The following KAT6A variants were observed in gnomAD, a reference collection of about 807,000 sequenced individuals.
KAT6A encodes the protein histone acetyltransferase KAT6A.
Under a neutral mutation model 198.4 loss-of-function variants are expected in KAT6A, and 9 were observed. That is an observed-to-expected ratio of 0.05 (90% CI 0.03 to 0.08). KAT6A has a LOEUF of 0.08. KAT6A is among the 10% of genes least tolerant of loss of function. The pLI is 1.00. For synonymous variants in KAT6A, 890 were observed against 883.0 expected, an observed-to-expected ratio of 1.01 and a Z score of -0.14; for missense variants, 2,077 against 2,509.9, an observed-to-expected ratio of 0.83 and a Z score of 3.69.
rs772227372 is a variant in KAT6A, at chr8:41,933,549, C to T, written c.4671G>A (p.Glu1557=). The T allele has an allele frequency of 9.3e-6, 15 of 1,614,000 alleles. No individual in the cohort carries two copies. Among genetic ancestry groups the T allele is most frequent in the Non-Finnish European group, 1.1e-5 (13 of 1,180,038 alleles). Residue 1557 remains glutamate (E), a synonymous_variant, in exon 17 of 17, where the codon GAG becomes GAA. Coordinates refer to ENST00000265713, the MANE Select transcript of KAT6A (RefSeq NM_006766.5). The surrounding 1 kb of genome is among the most constrained non-coding windows in gnomAD (Gnocchi z 6.2). ...DSGFSDLGSI[E]STTENYENPS... ...GGTTCTCATAGTTTTCAGTGGTGCT[C>T]TCAATGCTGCCCAGGTCACTGAAGC...
In KAT6A at chr8:41,943,017, GT is replaced by G. The variant is rs1417052281; in HGVS notation, c.2229-18del. ...ATCACAAATCTGGAACCAGAGAAAA[GT>G]TTATAGCAATCAACAATGTACAAGG... On this transcript the variant is annotated intron_variant, in intron 13 of 16. Coordinates refer to ENST00000265713, the MANE Select transcript of KAT6A (RefSeq NM_006766.5). 2.5e-6 allele frequency: 4 copies of G among 1,613,426 alleles called. No homozygotes were observed. In the South Asian group the frequency reaches 4.4e-5, roughly 18 times the overall value.
At chr8:42,021,240 T>A (rs565595073) in intron 2 of KAT6A, among the ~76,000 whole-genome samples, 1 of 152,302 alleles carries the variant, frequency 6.6e-6, no homozygotes, top group South Asian at 2.1e-4. Context: ...TTAAAATTTA[T>A]GTGTTCATGA....
At chr8:42,003,915 C>T (rs985754029) in intron 2 of KAT6A, among the ~76,000 whole-genome samples, 2 of 152,104 alleles carry the variant, frequency 1.3e-5, no homozygotes, top group Non-Finnish European at 2.9e-5. Context: ...ATAACCTTGC[C>T]GGTGCCTTGA....
chr8:41,989,699 T>C (rs1311259385), intron 2 of KAT6A, among the ~76,000 whole-genome samples: 1 of 152,222 alleles, frequency 6.6e-6, no homozygotes, highest in Non-Finnish European at 1.5e-5. Flanking sequence ...AGAAGTCATA[T>C]ACATACAAAA....
intron 9 of KAT6A, among the ~76,000 whole-genome samples, chr8:41,949,742 T>C (rs561542818): frequency 2.6e-5 from 4 of 152,216 alleles, no homozygotes; most frequent in Non-Finnish European, 5.9e-5. Context: ...TTTTGAAATA[T>C]AATTTATCTG....
intron 2 of KAT6A, among the ~76,000 whole-genome samples, chr8:42,031,432 A>G (rs549580232): frequency 6.6e-6 from 1 of 152,196 alleles, no homozygotes; most frequent in Admixed American, 6.5e-5. Flanking sequence ...AGAGAGCTGA[A>G]TAATTTTTTT....
chr8:41,957,641 C>T (rs1014226154), intron 8 of KAT6A: 2 of 210,630 alleles, frequency 9.5e-6, no homozygotes, highest in Admixed American at 5.3e-5. Context: ...ACGTATGTTC[C>T]AGGCTAGAAT....
In KAT6A at chr8:41,932,740, AGAG is replaced by A. The variant is rs1301336726; in HGVS notation, c.5477_5479del (p.Pro1826del). ...GGTGGCAGACATGTTGCACTGAAGCAGAGGAGATGTGAGGTTCATGGTAGTGGA... is the reference window on the plus strand; with the variant it reads ...GGTGGCAGACATGTTGCACTGAAGCAGAGATGTGAGGTTCATGGTAGTGGA... On this transcript the variant is annotated inframe_deletion, in exon 17 of 17. Coordinates refer to ENST00000265713, the MANE Select transcript of KAT6A (RefSeq NM_006766.5). 19 of 1,614,104 alleles carry A rather than the reference AGAG, an allele frequency of 1.2e-5. No individual in the cohort carries two copies. The highest frequency in any genetic ancestry group is 4.5e-5 in the East Asian group (2 of 44,896).
intron 13 of KAT6A, among the ~76,000 whole-genome samples, 154 bp from the exon 14 acceptor site, chr8:41,943,154 T>C (rs1050968075): frequency 2.6e-5 from 4 of 152,200 alleles, no homozygotes; most frequent in African/African-American, 9.6e-5. Context: ...TGCCACCACA[T>C]GAGACGGCCA....
intron 2 of KAT6A, among the ~76,000 whole-genome samples, chr8:42,045,571 A>AC (rs1308926393): frequency 1.3e-5 from 2 of 151,740 alleles, no homozygotes; most frequent in South Asian, 2.1e-4. Flanking sequence ...TCAAAAAAAA[A>AC]AAAAAAACAA....
intron 8 of KAT6A, 184 bp downstream of exon 8, chr8:41,974,520 C>G: frequency 2.4e-6 from 1 of 424,426 alleles, no homozygotes; most frequent in Non-Finnish European, 4.2e-6. Context: ...ATCTGCAAAA[C>G]CAAAGCAGTT....
rs1251627439 is a variant in KAT6A at position 41,933,334 on chromosome 8, T to C, written c.4886A>G (p.Asn1629Ser). The change falls in exon 17 of 17, where the codon AAC (asparagine) becomes AGC (serine). Residue 1629 changes from asparagine (N) to serine (S), a missense_variant. Asn to Ser is a conservative substitution (Grantham distance 46). Transcript: ENST00000265713. This position sits in a 1 kb window ranked among gnomAD's most constrained non-coding sequence, Gnocchi z 6.2. ...GCTCTGAGGTGACTTGATGCTGCAG[T>C]TGGCAGCAGGCTGGACGCTGCTCTG... ...MQQSSVQPAANCSIKSPQSCV... is the reference protein window; with the variant it reads ...MQQSSVQPAASCSIKSPQSCV... 9 of 1,575,754 alleles carry C rather than the reference T, an allele frequency of 5.7e-6. No individual in the cohort carries two copies. Among genetic ancestry groups the C allele is most frequent in the Non-Finnish European group, 6.9e-6 (8 of 1,163,762 alleles).
At chr8:41,957,411 C>G in intron 8 of KAT6A, 1 of 399,808 alleles carries the variant, frequency 2.5e-6, no homozygotes, top group Non-Finnish European at 5.0e-6. Context: ...CATTCCAGTC[C>G]TAGCCAAAAT....
At chr8:42,018,517 G>GTAAA (rs957644654) in intron 2 of KAT6A, among the ~76,000 whole-genome samples, 1 of 151,780 alleles carries the variant, frequency 6.6e-6, no homozygotes, top group Non-Finnish European at 1.5e-5. Context: ...TCTCAAAAGA[G>GTAAA]TAAATAAATA....
At chr8:41,975,710 T>A (rs999304914) in intron 7 of KAT6A, among the ~76,000 whole-genome samples, 1 of 152,184 alleles carries the variant, frequency 6.6e-6, no homozygotes, top group Admixed American at 6.5e-5. Context: ...ACTTAAACTT[T>A]ATAATTCATA....
chr8:41,946,702 A>C lies in KAT6A; in HGVS notation c.1903-18T>G. On this transcript the variant is annotated intron_variant, in intron 11 of 16. Transcript: ENST00000265713. ...TGCTTTTCCTGGTGGAGAAAACACA[A>C]GTCAAGTTTGAAAACAGGCTGGTAA... 1 of 1,454,094 alleles carries C rather than the reference A, an allele frequency of 6.9e-7. No individual in the cohort carries two copies. The highest frequency in any genetic ancestry group is 9.7e-7 in the Non-Finnish European group (1 of 1,035,430). 90.1% of individuals were successfully genotyped at this position (1,454,094 alleles called of 1,614,324 possible). A position where few individuals can be genotyped will look rare whatever the true frequency, so the allele number is the denominator to read the frequency against.
At chr8:41,978,200 C>T (rs774085456) in intron 6 of KAT6A, among the ~76,000 whole-genome samples, 1 of 152,182 alleles carries the variant, frequency 6.6e-6, no homozygotes, top group East Asian at 1.9e-4. Flanking sequence ...GTGATTTGTA[C>T]ACCTAATAGA....
intron 3 of KAT6A, 108 bp downstream of exon 3, chr8:41,987,347 T>C: frequency 1.5e-6 from 1 of 688,590 alleles, no homozygotes; most frequent in Admixed American, 2.4e-5. Flanking sequence ...TTAAAAGATG[T>C]ATGACTGTAT....
At chr8:42,029,804 C>T (rs750494643) in intron 2 of KAT6A, among the ~76,000 whole-genome samples, 5 of 152,042 alleles carry the variant, frequency 3.3e-5, no homozygotes, top group Admixed American at 6.6e-5. Flanking sequence ...TTCAGTTCTA[C>T]AATTTCTGTT....
Sources: allele counts gnomAD v4.1 joint callset (sites outside exome capture counted in the v4.1 genomes callset), GRCh38; gene constraint gnomAD v4.1.1; non-coding constraint Gnocchi (gnomAD v3.1); transcripts MANE v1.5; gene names NCBI Gene and HGNC (gene_info 2026-07-23, HGNC 2026-07-21).